The following DDX60L variants were observed in gnomAD, a reference collection of about 807,000 sequenced individuals.
DDX60L encodes the protein probable ATP-dependent RNA helicase DDX60-like.
A neutral mutation model predicts 211.6 loss-of-function variants in DDX60L; 191 were observed. The ratio of observed to expected loss-of-function variants is 0.90; its 90% CI spans 0.80 to 1.02. The LOEUF (loss-of-function observed/expected upper bound fraction) is 1.02. Ranked by LOEUF, DDX60L falls within the 50% of genes least tolerant of loss-of-function variation. The pLI is 0.00. For synonymous variants in DDX60L, 706 were observed against 694.1 expected (o/e 1.02, Z -0.27); for missense variants, 2,007 against 1,984.1 (o/e 1.01, Z -0.22).
At chr4:168,463,879 T>C (rs552738954) in intron 4 of DDX60L, among the ~76,000 whole-genome samples, 2 of 152,334 alleles carry the variant, frequency 1.3e-5, no homozygotes, top group Non-Finnish European at 2.9e-5. Context: ...TTGGAAGCCA[T>C]TCAATCTGTA....
At chr4:168,447,669 C>A (rs1292579495) in intron 9 of DDX60L, among the ~76,000 whole-genome samples, 1 of 151,092 alleles carries the variant, frequency 6.6e-6, no homozygotes, top group African/African-American at 2.4e-5. Context: ...AAATGCGGCA[C>A]ATATACACCA....
chr4:168,446,273 A>C (rs1239224792), intron 9 of DDX60L, among the ~76,000 whole-genome samples: 7 of 152,182 alleles, frequency 4.6e-5, no homozygotes, highest in African/African-American at 7.2e-5. Flanking sequence ...GTGAACTCCC[A>C]TTCACAATTG....
At chr4:168,447,717 G>A (rs1169320285) in intron 9 of DDX60L, among the ~76,000 whole-genome samples, 3 of 151,786 alleles carry the variant, frequency 2.0e-5, no homozygotes, top group African/African-American at 7.3e-5. Flanking sequence ...ATGAGTTCAT[G>A]TCCTTTGTAG....
intron 36 of DDX60L, among the ~76,000 whole-genome samples, chr4:168,369,096 G>T (rs1740494243): frequency 6.6e-6 from 1 of 152,200 alleles, no homozygotes; most frequent in Non-Finnish European, 1.5e-5. Flanking sequence ...GAGGACATGA[G>T]ATTTGGGAGG....
At chr4:168,384,853 T>A (rs1421836023) in intron 29 of DDX60L, 41 bp from the exon 30 acceptor site, 1 of 1,562,408 alleles carries the variant, frequency 6.4e-7, no homozygotes, top group Non-Finnish European at 8.7e-7. Context: ...CCTCCACAGA[T>A]AATTATCCTA....
At chr4:168,398,665 C>T (rs1746255619) in intron 26 of DDX60L, among the ~76,000 whole-genome samples, 2 of 152,220 alleles carry the variant, frequency 1.3e-5, no homozygotes, top group African/African-American at 4.8e-5. Context: ...CCAATCAGCA[C>T]ACACTTCTTC....
At chr4:168,471,971 A>G in intron 3 of DDX60L, 35 bp from the exon 4 acceptor site, 1 of 1,493,540 alleles carries the variant, frequency 6.7e-7, no homozygotes, top group South Asian at 1.2e-5. Flanking sequence ...AAAATCACAG[A>G]TGTTTCACAG....
intron 25 of DDX60L, 83 bp from the exon 26 acceptor site, chr4:168,401,061 CA>C: frequency 1.6e-6 from 2 of 1,272,184 alleles, no homozygotes; most frequent in East Asian, 4.7e-5. Flanking sequence ...TAAGGCCCCT[CA>C]ATCATCTGAA....
intron 15 of DDX60L, among the ~76,000 whole-genome samples, chr4:168,423,127 G>T (rs1021597999): frequency 6.6e-6 from 1 of 151,972 alleles, no homozygotes; most frequent in African/African-American, 2.4e-5. Flanking sequence ...GGCCTACTAT[G>T]CTTTTAAATA....
intron 8 of DDX60L, among the ~76,000 whole-genome samples, chr4:168,449,665 A>AAAAAAAAAAAAAAAACAAAAAAAAAAT (rs1755474696): frequency 1.1e-4 from 3 of 28,498 alleles, no homozygotes; most frequent in African/African-American, 4.2e-4. Context: ...AAAAAAAAAA[A>AAAAAAAAAAAAAAAACAAAAAAAAAAT]GAAAAAAGAA....
At chr4:168,446,407 C>T (rs1754802288) in intron 9 of DDX60L, among the ~76,000 whole-genome samples, 1 of 152,162 alleles carries the variant, frequency 6.6e-6, no homozygotes, top group African/African-American at 2.4e-5. Context: ...AAGAACATTC[C>T]ATGCTCATGG....
At chr4:168,401,185 A>C (rs11936334) in intron 25 of DDX60L, among the ~76,000 whole-genome samples, 82,446 of 152,048 alleles carry the variant, frequency 0.54, 23,102 homozygotes, top group East Asian at 0.62. Flanking sequence ...CATTAACACC[A>C]ATGTAGACCT....
At chr4:168,443,485 T>C (rs1293411626) in intron 9 of DDX60L, among the ~76,000 whole-genome samples, 1 of 151,802 alleles carries the variant, frequency 6.6e-6, no homozygotes, top group Non-Finnish European at 1.5e-5. Context: ...TTCTCCAATC[T>C]AGCAAGGCAG....
In DDX60L at chr4:168,357,334, G is replaced by C. The variant is rs1738344921; in HGVS notation, c.*813C>G. The stretch of plus-strand genomic sequence containing the variant: ...CCAAGTGACTGTTTTAGTCAATTCA[G>C]ACTGCTTCAACAGAAAACCACAGAC... On this transcript the variant is annotated 3_prime_UTR_variant, in exon 38 of 38. Transcript: ENST00000682922. 6.6e-6 allele frequency: 1 copy of C among 152,174 alleles called. No homozygotes were observed. The highest frequency in any genetic ancestry group is 2.4e-5 in the African/African-American group (1 of 41,438). The allele number at this position is 152,174 out of a possible 1,614,324, so 9.4% of individuals were successfully genotyped here.
At chr4:168,449,665 A>AAAAAAAAAAAAACAAAAAAAAAAAT (rs1755474696) in intron 8 of DDX60L, among the ~76,000 whole-genome samples, 1 of 28,500 alleles carries the variant, frequency 3.5e-5, no homozygotes, top group Non-Finnish European at 6.0e-5. Flanking sequence ...AAAAAAAAAA[A>AAAAAAAAAAAAACAAAAAAAAAAAT]GAAAAAAGAA....
intron 11 of DDX60L, 145 bp downstream of exon 11, chr4:168,432,865 A>G: frequency 2.0e-6 from 1 of 498,206 alleles, no homozygotes; most frequent in Non-Finnish European, 3.6e-6. Flanking sequence ...TAGATGTTAC[A>G]ATCACTTAAA....
At chr4:168,394,322 T>C in intron 28 of DDX60L, 143 bp downstream of exon 28, 1 of 535,982 alleles carries the variant, frequency 1.9e-6, no homozygotes. Context: ...ATGGGATAGA[T>C]GGAGCAGTCC....
rs772427285 is a variant in DDX60L at position 168,391,541 on chromosome 4, T to C, written c.3914A>G (p.Gln1305Arg). 7 of 1,584,414 alleles carry C rather than the reference T, an allele frequency of 4.4e-6. No individual in the cohort carries two copies. In the African/African-American group the frequency reaches 9.4e-5, roughly 21 times the overall value. Residue 1305 changes from glutamine to arginine, a missense_variant and splice_region_variant, in exon 29 of 38, where the codon CAG becomes CGG. Gln to Arg is a conservative substitution (Grantham distance 43, BLOSUM62 1). Transcript: ENST00000682922. ...GGAGTTAAAGAGTCAGAGAGTTACC[T>C]GTCTGTAATTTAAAGCATCCAGATA... ...SVYLDALNYR[Q>R]MSGRAGRRGQ...
rs147542350 is a variant in DDX60L, at chr4:168,427,880, T to G, written c.1678-558A>C. Among the ~76,000 whole-genome samples the G allele has an allele frequency of 3.5e-4, 53 of 152,304 alleles. No individual in the cohort carries two copies. In the East Asian group the frequency reaches 0.01, roughly 29 times the overall value. ...CTCTCCCCTAACTAGATCAAACATT[T>G]AATTCCCATTTTGCTTCTATTTCAG... On this transcript the variant is annotated intron_variant, in intron 13 of 37. Coordinates refer to ENST00000682922, the MANE Select transcript of DDX60L (RefSeq NM_001012967.3).
Sources: allele counts gnomAD v4.1 joint callset (sites outside exome capture counted in the v4.1 genomes callset), GRCh38; gene constraint gnomAD v4.1.1; transcripts MANE v1.5; gene names NCBI Gene and HGNC (gene_info 2026-07-23, HGNC 2026-07-21).